Variants in SLIT3 observed in about 807,000 individuals in gnomAD.
SLIT3 encodes slit guidance ligand 3, also known as slit homolog 3 protein.
In SLIT3, 68 loss-of-function variants were observed where a neutral mutation model predicts 184.0. The ratio of observed to expected loss-of-function variants is 0.37; its 90% CI spans 0.30 to 0.45. SLIT3 has a LOEUF of 0.45. SLIT3 is among the 20% of genes least tolerant of loss of function. The pLI, the probability that SLIT3 is intolerant of heterozygous loss-of-function variation, is 1.00. For missense variants in SLIT3, 1,707 were observed against 2,026.0 expected, an observed-to-expected ratio of 0.84 and a Z score of 3.02; for synonymous variants, 831 against 828.6, an observed-to-expected ratio of 1.00 and a Z score of -0.05.
At chr5:169,155,871 C>T (rs1420852512) in intron 4 of SLIT3, among the ~76,000 whole-genome samples, 1 of 152,208 alleles carries the variant, frequency 6.6e-6, no homozygotes, top group Non-Finnish European at 1.5e-5. Context: ...ATGAACTGCT[C>T]CACCTCGCCT....
intron 4 of SLIT3, among the ~76,000 whole-genome samples, chr5:169,030,897 T>C (rs989658073): frequency 1.3e-5 from 2 of 152,236 alleles, no homozygotes; most frequent in African/African-American, 4.8e-5. Context: ...TGGTTCTGTA[T>C]TTATCTATTA....
intron 29 of SLIT3, among the ~76,000 whole-genome samples, chr5:168,688,086 A>G (rs1418155282): frequency 2.0e-5 from 3 of 152,290 alleles, no homozygotes; most frequent in East Asian, 1.9e-4. Flanking sequence ...GCAACATTCA[A>G]CCAAAATCCC....
chr5:169,269,488 G>C (rs562725496), intron 1 of SLIT3, among the ~76,000 whole-genome samples: 29 of 152,340 alleles, frequency 1.9e-4, no homozygotes, highest in African/African-American at 6.7e-4. Context: ...CTCATTCCAA[G>C]CCCCATGACT....
At position 168,871,547 on chromosome 5, in the gene SLIT3, G is replaced by C. The variant is rs114593400; in HGVS notation, c.485+11718C>G. ...CCATTAGAAGCCATATGCCGGAAGA[G>C]GTCAGCCCCACTCAAAGAAATAACA... is the stretch of plus-strand genomic sequence containing the variant. On this transcript the variant is annotated intron_variant, in intron 5 of 35. Transcript: ENST00000519560. 7.4e-3 allele frequency among the ~76,000 whole-genome samples: 1,119 copies of C among 152,104 alleles called. 9 individuals carry two copies. The highest frequency in any genetic ancestry group is 0.026 in the African/African-American group (1,085 of 41,488).
Position 168,782,200 on chromosome 5 carries a change from C to A in SLIT3, c.1151+3707G>T, listed in dbSNP as rs190276949. ...TTCCAAGAAAATTAAACAACAGGTG[C>A]TAGAGTTGTCTTAACTTATTCCAGC... On this transcript the variant is annotated intron_variant, in intron 12 of 35. Transcript: ENST00000519560. Among the ~76,000 whole-genome samples, 119 of 152,238 alleles carry A rather than the reference C, an allele frequency of 7.8e-4. 1 individual carries two copies. The highest frequency in any genetic ancestry group is 1.4e-3 in the Non-Finnish European group (92 of 68,006).
At chr5:168,932,580 T>C (rs1208685186) in intron 4 of SLIT3, among the ~76,000 whole-genome samples, 1 of 152,050 alleles carries the variant, frequency 6.6e-6, no homozygotes, top group Non-Finnish European at 1.5e-5. Flanking sequence ...ATAGTATAGA[T>C]AAGCGACTGC....
intron 4 of SLIT3, among the ~76,000 whole-genome samples, chr5:169,088,397 ATT>A (rs35908644): frequency 1.2e-3 from 159 of 135,756 alleles, no homozygotes; most frequent in Middle Eastern, 3.9e-3. Context: ...TTTTTCTTCG[ATT>A]TTTTTTTTTT....
At chr5:168,853,374 A>G (rs1178115128) in intron 5 of SLIT3, among the ~76,000 whole-genome samples, 3 of 152,208 alleles carry the variant, frequency 2.0e-5, no homozygotes, top group Non-Finnish European at 2.9e-5. Flanking sequence ...GCTACTTCCA[A>G]CTAATAACCA....
At chr5:168,936,424 G>A (rs371245678) in intron 4 of SLIT3, among the ~76,000 whole-genome samples, 1 of 152,052 alleles carries the variant, frequency 6.6e-6, no homozygotes, top group Admixed American at 6.6e-5. Flanking sequence ...TAGTAGAGAC[G>A]GGGTTTCACC....
chr5:168,965,033 AAG>A (rs1561577912), intron 4 of SLIT3, among the ~76,000 whole-genome samples: 1 of 152,132 alleles, frequency 6.6e-6, no homozygotes, highest in African/African-American at 2.4e-5. Flanking sequence ...ACATCCCTGA[AAG>A]AGAGAGGGCC....
chr5:169,238,855 T>C (rs977375639), intron 3 of SLIT3, among the ~76,000 whole-genome samples: 9 of 152,282 alleles, frequency 5.9e-5, no homozygotes, highest in Admixed American at 1.3e-4. Context: ...GTACTTACCA[T>C]GAATTGGATC....
At chr5:169,096,023 T>C (rs1450318585) in intron 4 of SLIT3, among the ~76,000 whole-genome samples, 1 of 152,232 alleles carries the variant, frequency 6.6e-6, no homozygotes, top group Non-Finnish European at 1.5e-5. Flanking sequence ...GCAAGACAAG[T>C]ATTATCTGTC....
intron 8 of SLIT3, among the ~76,000 whole-genome samples, chr5:168,811,305 G>T (rs1757149864): frequency 6.6e-6 from 1 of 152,144 alleles, no homozygotes; most frequent in Non-Finnish European, 1.5e-5. Context: ...TATCTCACTT[G>T]ATCCTCATAA....
intron 4 of SLIT3, among the ~76,000 whole-genome samples, chr5:169,129,482 G>A (rs1417829009): frequency 1.3e-5 from 2 of 152,094 alleles, no homozygotes; most frequent in Non-Finnish European, 2.9e-5. Context: ...AACCCGGGAG[G>A]CAGAGATTGC....
intron 4 of SLIT3, among the ~76,000 whole-genome samples, chr5:168,913,283 T>C (rs1412564405): frequency 6.6e-6 from 1 of 152,122 alleles, no homozygotes; most frequent in Non-Finnish European, 1.5e-5. Context: ...CATACGGAGT[T>C]CAACAGATGC....
At chr5:168,998,235 C>T (rs926973077) in intron 4 of SLIT3, among the ~76,000 whole-genome samples, 2 of 152,164 alleles carry the variant, frequency 1.3e-5, no homozygotes, top group African/African-American at 4.8e-5. Context: ...CGTTTCATCC[C>T]TTCCTTGTTT....
intron 28 of SLIT3, among the ~76,000 whole-genome samples, chr5:168,695,183 C>T (rs1002391635): frequency 5.3e-5 from 8 of 152,184 alleles, no homozygotes; most frequent in African/African-American, 1.9e-4. Context: ...CCACCCACTT[C>T]ACTCCTGACA....
At chr5:168,681,943 C>CA (rs1387901807) in intron 32 of SLIT3, among the ~76,000 whole-genome samples, 3 of 152,206 alleles carry the variant, frequency 2.0e-5, no homozygotes, top group African/African-American at 7.2e-5. Context: ...GCTCACATTA[C>CA]ATGGGAAGGG....
chr5:168,697,054 A>C (rs1762085371), intron 27 of SLIT3, among the ~76,000 whole-genome samples: 1 of 152,220 alleles, frequency 6.6e-6, no homozygotes, highest in Admixed American at 6.5e-5. Context: ...AAAAGGGTAC[A>C]TAGCACATAG....
Sources: allele counts gnomAD v4.1 joint callset (sites outside exome capture counted in the v4.1 genomes callset), GRCh38; gene constraint gnomAD v4.1.1; transcripts MANE v1.5; gene names NCBI Gene and HGNC (gene_info 2026-07-23, HGNC 2026-07-21).